Variants in ANKRD24 observed in about 807,000 individuals in gnomAD.
ANKRD24 encodes the protein ankyrin repeat domain-containing protein 24.
ANKRD24 carries 109 observed loss-of-function variants against 127.8 expected under a neutral mutation model. The ratio of observed to expected loss-of-function variants is 0.85; its 90% CI spans 0.73 to 1.00. ANKRD24 has a LOEUF of 1.00. ANKRD24 is among the 50% of genes least tolerant of loss of function. ANKRD24 has a pLI of 0.00. For missense variants in ANKRD24, 1,648 were observed against 1,570.2 expected (o/e 1.05, Z -0.84); for synonymous variants, 743 against 671.1 (o/e 1.11, Z -1.66).
At chr19:4,184,581 C>T (rs1967950225) in intron 1 of ANKRD24, among the ~76,000 whole-genome samples, 1 of 152,232 alleles carries the variant, frequency 6.6e-6, no homozygotes, top group African/African-American at 2.4e-5. Flanking sequence ...CAGCAAGCAG[C>T]TTCCTAAATT....
intron 13 of ANKRD24, among the ~76,000 whole-genome samples, chr19:4,210,792 G>T (rs1249563846): frequency 3.0e-5 from 1 of 32,978 alleles, no homozygotes; most frequent in African/African-American, 1.1e-4. Context: ...CACCCCCCCG[G>T]CCAACTCGCT....
In ANKRD24 at chr19:4,196,550, T is replaced by C. The variant is rs1968753728; in HGVS notation, c.37-3133T>C. ...CTACCACACCTGGCTAATTTTTGCA[T>C]TTTTAGTAGAGACGAAGTTTCACTA... On this transcript the variant is annotated intron_variant, in intron 2 of 21. Coordinates refer to ENST00000318934, the MANE Select transcript of ANKRD24 (RefSeq NM_001393985.1). Among the ~76,000 whole-genome samples the C allele has an allele frequency of 2.0e-5, 3 of 152,112 alleles. No individual in the cohort carries two copies. The South Asian group carries it at 6.2e-4, about 32-fold the overall frequency.
chr19:4,208,074 C>A, intron 10 of ANKRD24, 106 bp downstream of exon 10: 1 of 1,214,290 alleles, frequency 8.2e-7, no homozygotes, highest in Non-Finnish European at 1.1e-6. Context: ...TGGCTGCATT[C>A]TAGGAGGTCC....
In ANKRD24 at chr19:4,198,037, C is replaced by A. The variant is rs1381517229; in HGVS notation, c.37-1646C>A. Reference sequence around the variant, plus strand: ...TGTGAGTGGCGAGAGCCCTGCCGGCCGCGTGGAGGTGCGAGGCTGCGGACG... The same window carrying A: ...TGTGAGTGGCGAGAGCCCTGCCGGCAGCGTGGAGGTGCGAGGCTGCGGACG... On this transcript the variant is annotated intron_variant, in intron 2 of 21. Coordinates refer to ENST00000318934, the MANE Select transcript of ANKRD24 (RefSeq NM_001393985.1). The surrounding 1 kb of genome is among the most constrained non-coding windows in gnomAD (Gnocchi z 6.1). 18 of 409,290 alleles carry A rather than the reference C, an allele frequency of 4.4e-5. No homozygotes were observed. The highest frequency in any genetic ancestry group is 7.3e-5 in the Non-Finnish European group (17 of 231,336). 25.4% of individuals were successfully genotyped at this position (409,290 alleles called of 1,614,324 possible). A position where few individuals can be genotyped will look rare whatever the true frequency, so the allele number is the denominator to read the frequency against.
intron 13 of ANKRD24, among the ~76,000 whole-genome samples, 187 bp downstream of exon 13, chr19:4,210,559 A>G (rs1304456028): frequency 2.2e-5 from 3 of 137,592 alleles, no homozygotes; most frequent in Non-Finnish European, 4.9e-5. Context: ...GGGCCTTTGC[A>G]CCACCAGTGT....
Position 4,198,223 on chromosome 19 carries a change from G to C in ANKRD24, c.37-1460G>C, listed in dbSNP as rs768474306. On this transcript the variant is annotated intron_variant, in intron 2 of 21. Coordinates refer to ENST00000318934, the MANE Select transcript of ANKRD24 (RefSeq NM_001393985.1). This position sits in a 1 kb window ranked among gnomAD's most constrained non-coding sequence, Gnocchi z 6.1. ...ATCCTCCAGGCGACAAGGTCAGGAG[G>C]GGCCGGGGCGGCGCCCCTTCCCTCA... The C allele has an allele frequency of 3.1e-4, 163 of 519,982 alleles. No individual in the cohort carries two copies. Among genetic ancestry groups the C allele is most frequent in the Non-Finnish European group, 4.9e-4 (146 of 295,454 alleles). 32.2% of individuals were successfully genotyped at this position (519,982 alleles called of 1,614,324 possible). A position where few individuals can be genotyped will look rare whatever the true frequency, so the allele number is the denominator to read the frequency against.
chr19:4,186,355 G>A, intron 1 of ANKRD24, 35 bp from the exon 2 acceptor site: 1 of 1,553,178 alleles, frequency 6.4e-7, no homozygotes, highest in Non-Finnish European at 8.7e-7. Flanking sequence ...CAGGACTGGT[G>A]TCCCTCACCT....
At chr19:4,222,648 C>A (rs201782091) in intron 19 of ANKRD24, 22 bp from the exon 20 acceptor site, 10 of 1,585,870 alleles carry the variant, frequency 6.3e-6, no homozygotes, top group Non-Finnish European at 8.6e-6. Context: ...AGGGTGATCG[C>A]TGACAGCACC....
chr19:4,214,568 A>G (rs1301284392), intron 15 of ANKRD24, among the ~76,000 whole-genome samples: 4 of 152,132 alleles, frequency 2.6e-5, no homozygotes, highest in Non-Finnish European at 5.9e-5. Flanking sequence ...AAACTCAAGC[A>G]TGAAGCCGGA....
At chr19:4,202,803 G>C in intron 6 of ANKRD24, 66 bp from the exon 7 acceptor site, 5 of 1,511,876 alleles carry the variant, frequency 3.3e-6, no homozygotes, top group Non-Finnish European at 4.5e-6. Flanking sequence ...GGTAGGGAAG[G>C]CAGTCCTAGA....
Position 4,199,676 on chromosome 19 carries a change from C to G in ANKRD24, c.37-7C>G, listed in dbSNP as rs1204536885. ...ACCCCCTCGCCCAGGACCACCTCCC[C>G]CTGCAGCTGCGGCTCAGCCCCACTG... On this transcript the variant is annotated splice_region_variant and splice_polypyrimidine_tract_variant and intron_variant, in intron 2 of 21. Coordinates refer to ENST00000318934, the MANE Select transcript of ANKRD24 (RefSeq NM_001393985.1). The surrounding 1 kb of genome is among the most constrained non-coding windows in gnomAD (Gnocchi z 5.2). 1.0e-5 allele frequency: 16 copies of G among 1,525,154 alleles called. No homozygotes were observed. Among genetic ancestry groups the G allele is most frequent in the Non-Finnish European group, 1.4e-5 (16 of 1,140,396 alleles). The allele number at this position is 1,525,154 out of a possible 1,614,324, so 94.5% of individuals were successfully genotyped here.
Position 4,217,486 on chromosome 19 carries a change from G to C in ANKRD24, c.2326G>C (p.Ala776Pro). Residue 776 changes from alanine (A) to proline (P), a missense_variant, in exon 18 of 22, where the codon GCC becomes CCC. Transcript: ENST00000318934. ...TGTCCGCGAGGCCGAGGGCAGCGGG[G>C]CCAGCGGGGGCGGTGGCGGTGACAC... Reference protein sequence around the residue: ...ERVREAEGSGASGGGGGDTTQ... With the variant: ...ERVREAEGSGPSGGGGGDTTQ... 1 of 1,419,620 alleles carries C rather than the reference G, an allele frequency of 7.0e-7. No individual in the cohort carries two copies. 87.9% of individuals were successfully genotyped at this position (1,419,620 alleles called of 1,614,324 possible).
rs370521836 is a variant in ANKRD24 at position 4,216,997 on chromosome 19, G to A, written c.1837G>A (p.Glu613Lys). Residue 613 changes from glutamate (E) to lysine (K), a missense_variant, in exon 18 of 22, where the codon GAA becomes AAA. Coordinates refer to ENST00000318934, the MANE Select transcript of ANKRD24 (RefSeq NM_001393985.1). Reference protein sequence around the residue: ...GAEVREMETTEEEANMETKPT... With the variant: ...GAEVREMETTKEEANMETKPT... ...TGAGGTCAGAGAAATGGAGACCACA[G>A]AAGAAGAAGCAAACATGGAAACTAA... 22 of 1,613,456 alleles carry A rather than the reference G, an allele frequency of 1.4e-5. No homozygotes were observed. Among genetic ancestry groups the A allele is most frequent in the East Asian group, 2.2e-5 (1 of 44,894 alleles).
At chr19:4,194,759 A>G (rs1298409555) in intron 2 of ANKRD24, among the ~76,000 whole-genome samples, 1 of 152,178 alleles carries the variant, frequency 6.6e-6, no homozygotes, top group African/African-American at 2.4e-5. Context: ...CAGAACCTGC[A>G]GTGATGGGGC....
chr19:4,195,635 C>T lies in ANKRD24; in HGVS notation c.37-4048C>T, dbSNP rs1402384972. Reference sequence around the variant, plus strand: ...TAAGAGGGCCGGGCGCAGTGGCTCACGCCTGTAATCCCAACACTTTGAGAG... The same window carrying T: ...TAAGAGGGCCGGGCGCAGTGGCTCATGCCTGTAATCCCAACACTTTGAGAG... On this transcript the variant is annotated intron_variant, in intron 2 of 21. Transcript: ENST00000318934. This position sits in a 1 kb window ranked among gnomAD's most constrained non-coding sequence, Gnocchi z 4.2. Among the ~76,000 whole-genome samples the T allele has an allele frequency of 3.3e-5, 5 of 152,176 alleles. No individual in the cohort carries two copies. Among genetic ancestry groups the T allele is most frequent in the Non-Finnish European group, 7.3e-5 (5 of 68,050 alleles).
chr19:4,201,524 T>A (rs1160553656), intron 5 of ANKRD24, among the ~76,000 whole-genome samples: 1 of 152,064 alleles, frequency 6.6e-6, no homozygotes, highest in Non-Finnish European at 1.5e-5. Context: ...GAGATGGGAT[T>A]GTCTGGAATA....
chr19:4,202,994 C>A, intron 7 of ANKRD24, 68 bp downstream of exon 7: 3 of 1,390,702 alleles, frequency 2.2e-6, no homozygotes, highest in Non-Finnish European at 2.9e-6. Flanking sequence ...GTTATTCTGC[C>A]CAGGGCCCTA....
intron 7 of ANKRD24, 127 bp downstream of exon 7, chr19:4,203,053 T>C (rs74682455): frequency 2.6e-5 from 6 of 234,002 alleles, no homozygotes; most frequent in South Asian, 1.2e-4. Flanking sequence ...TCTTTCTTTC[T>C]TTTTTTTTTT....
intron 18 of ANKRD24, 63 bp downstream of exon 18, chr19:4,218,226 C>A (rs972739462): frequency 1.3e-5 from 18 of 1,379,534 alleles, no homozygotes; most frequent in Non-Finnish European, 1.6e-5. Flanking sequence ...CCTGTTTTAG[C>A]CCCGCAGCCT....
Sources: gnomAD v4.1 joint callset for allele counts (sites outside exome capture counted in the v4.1 genomes callset) on GRCh38, gnomAD v4.1.1 for gene constraint, Gnocchi (gnomAD v3.1) non-coding constraint, MANE v1.5 for transcripts, NCBI Gene and HGNC (gene_info 2026-07-23, HGNC 2026-07-21) for gene names.